Variants in NCAM2 observed in about 807,000 individuals in gnomAD.
NCAM2 encodes the protein neural cell adhesion molecule 2, also known as N-CAM-2.
NCAM2 carries 30 observed loss-of-function variants against 98.1 expected under a neutral mutation model. The ratio of observed to expected loss-of-function variants is 0.31; its 90% CI spans 0.23 to 0.41. The LOEUF is 0.41. NCAM2 is among the 10% of genes least tolerant of loss of function. NCAM2 has a pLI of 1.00. For missense variants in NCAM2, 867 were observed against 1,005.8 expected, an observed-to-expected ratio of 0.86 and a Z score of 1.87; for synonymous variants, 368 against 342.4, an observed-to-expected ratio of 1.07 and a Z score of -0.83.
At chr21:21,439,697 A>G (rs1907786827) in intron 12 of NCAM2, among the ~76,000 whole-genome samples, 1 of 152,204 alleles carries the variant, frequency 6.6e-6, no homozygotes, top group Non-Finnish European at 1.5e-5. Flanking sequence ...CTTAGGTGCA[A>G]ATATGCAAAG....
chr21:21,329,459 A>G (rs570474009), intron 6 of NCAM2, among the ~76,000 whole-genome samples: 1 of 152,298 alleles, frequency 6.6e-6, no homozygotes, highest in East Asian at 1.9e-4. Context: ...AGTACACTCT[A>G]TGATGTAAAC....
chr21:21,189,895 T>C (rs1247498956), intron 1 of NCAM2, among the ~76,000 whole-genome samples: 1 of 152,208 alleles, frequency 6.6e-6, no homozygotes, highest in Admixed American at 6.5e-5. Context: ...TATGTGTCTC[T>C]TAATGTCAGA....
intron 1 of NCAM2, among the ~76,000 whole-genome samples, chr21:21,122,543 G>A (rs753104311): frequency 3.9e-5 from 6 of 152,110 alleles, no homozygotes; most frequent in South Asian, 2.1e-4. Flanking sequence ...TTGGGTTGGC[G>A]GGGTGATTTC....
At chr21:21,512,760 T>TC (rs1305812448) in intron 16 of NCAM2, among the ~76,000 whole-genome samples, 1 of 152,068 alleles carries the variant, frequency 6.6e-6, no homozygotes, top group Admixed American at 6.6e-5. Context: ...CTTGAAGTTT[T>TC]CATCAATGTT....
intron 1 of NCAM2, among the ~76,000 whole-genome samples, chr21:21,125,465 GAT>G (rs1163897384): frequency 5.3e-3 from 13 of 2,468 alleles, no homozygotes; most frequent in East Asian, 0.025. Context: ...TATAGAGACA[GAT>G]ATATATATCT....
rs374236001 is a variant in NCAM2 at position 21,316,320 on chromosome 21, A to G, written c.620-8063A>G. Among the ~76,000 whole-genome samples, 5 of 152,250 alleles carry G rather than the reference A, an allele frequency of 3.3e-5. No homozygotes were observed. The South Asian group carries it at 8.3e-4, about 25-fold the overall frequency. ...TCTAGGGTACATGTGCACAACGTGT[A>G]GGTTTGTTACATATGTTTACATGTG... On this transcript the variant is annotated intron_variant, in intron 5 of 17. Transcript: ENST00000400546.
intron 1 of NCAM2, among the ~76,000 whole-genome samples, chr21:21,236,318 A>G (rs923408559): frequency 4.6e-5 from 7 of 152,006 alleles, no homozygotes; most frequent in Non-Finnish European, 7.4e-5. Flanking sequence ...TCTATTCTCC[A>G]TGGTGGAGAA....
intron 1 of NCAM2, among the ~76,000 whole-genome samples, chr21:21,209,618 C>A (rs1218283487): frequency 2.6e-5 from 4 of 152,140 alleles, no homozygotes. Flanking sequence ...GGTCCATCAA[C>A]AAAGGTATAG....
chr21:21,509,450 G>A (rs1988219867), intron 16 of NCAM2, among the ~76,000 whole-genome samples: 1 of 152,120 alleles, frequency 6.6e-6, no homozygotes, highest in African/African-American at 2.4e-5. Context: ...GTTGAACTGA[G>A]TTAAAAACAA....
intron 5 of NCAM2, among the ~76,000 whole-genome samples, chr21:21,297,472 G>A (rs1037805480): frequency 6.6e-6 from 1 of 151,554 alleles, no homozygotes; most frequent in East Asian, 1.9e-4. Flanking sequence ...ATCATACCTT[G>A]TTTCACTCTG....
intron 5 of NCAM2, among the ~76,000 whole-genome samples, chr21:21,312,229 G>GT (rs1222840277): frequency 3.3e-5 from 5 of 151,578 alleles, no homozygotes; most frequent in Non-Finnish European, 5.9e-5. Context: ...GAATTTTGTT[G>GT]TTTTTTTGTT....
intron 1 of NCAM2, among the ~76,000 whole-genome samples, chr21:21,140,421 C>G (rs73332400): frequency 0.01 from 1,529 of 152,070 alleles, 28 homozygotes; most frequent in African/African-American, 0.035. Flanking sequence ...ATAAATAATT[C>G]TTGGTGAAAA....
chr21:21,031,507 C>T (rs1176526975), intron 1 of NCAM2, among the ~76,000 whole-genome samples: 1 of 152,052 alleles, frequency 6.6e-6, no homozygotes, highest in Non-Finnish European at 1.5e-5. Context: ...GATTTTATTG[C>T]CTGTGCAGGT....
intron 7 of NCAM2, among the ~76,000 whole-genome samples, chr21:21,336,937 A>G (rs949824109): frequency 6.6e-6 from 1 of 152,192 alleles, no homozygotes; most frequent in African/African-American, 2.4e-5. Context: ...TGATCTTCTA[A>G]TGATCAGAAG....
At chr21:21,358,897 T>G (rs1425908646) in intron 8 of NCAM2, among the ~76,000 whole-genome samples, 3 of 152,088 alleles carry the variant, frequency 2.0e-5, no homozygotes, top group Admixed American at 2.0e-4. Flanking sequence ...TTTTAGTTGA[T>G]GATTTTCTAA....
intron 15 of NCAM2, among the ~76,000 whole-genome samples, chr21:21,497,167 C>T (rs1013451096): frequency 2.0e-5 from 3 of 152,074 alleles, no homozygotes; most frequent in African/African-American, 7.2e-5. Flanking sequence ...ATTGAGCACA[C>T]ATGGACATAA....
chr21:21,200,407 CTGAAA>C (rs1221017257), intron 1 of NCAM2, among the ~76,000 whole-genome samples: 4 of 38,084 alleles, frequency 1.1e-4, no homozygotes, highest in Non-Finnish European at 3.5e-4. Flanking sequence ...AACCCCATGC[CTGAAA>C]AAAAAAAAAA....
chr21:21,369,155 AT>A (rs2075857216), intron 8 of NCAM2, among the ~76,000 whole-genome samples: 4 of 386 alleles, frequency 0.01, no homozygotes, highest in African/African-American at 0.036. Context: ...AGCAAACATT[AT>A]TCTACTTTTT....
At chr21:21,397,697 A>C (rs528013717) in intron 9 of NCAM2, among the ~76,000 whole-genome samples, 1 of 152,334 alleles carries the variant, frequency 6.6e-6, no homozygotes, top group South Asian at 2.1e-4. Flanking sequence ...CACATGCACC[A>C]GGGAGTGCAG....
Sources: gnomAD v4.1 joint callset for allele counts (sites outside exome capture counted in the v4.1 genomes callset) on GRCh38, gnomAD v4.1.1 for gene constraint, MANE v1.5 for transcripts, NCBI Gene and HGNC (gene_info 2026-07-23, HGNC 2026-07-21) for gene names.